The following CNKSR3 variants were observed in gnomAD, a reference collection of about 807,000 sequenced individuals.
CNKSR3 encodes the protein connector enhancer of kinase suppressor of ras 3.
A neutral mutation model predicts 67.7 loss-of-function variants in CNKSR3; 36 were observed. The ratio of observed to expected loss-of-function variants is 0.53; its 90% CI spans 0.41 to 0.70. CNKSR3 has a LOEUF of 0.70. Among genes scored for constraint, CNKSR3 ranks in the 30% least tolerant of loss-of-function variants. The pLI is 0.00. For missense variants in CNKSR3, 630 were observed against 695.2 expected, an observed-to-expected ratio of 0.91 and a Z score of 1.05; for synonymous variants, 281 against 271.4, an observed-to-expected ratio of 1.04 and a Z score of -0.35.
At chr6:154,465,169 G>T (rs1017392286) in intron 1 of CNKSR3, among the ~76,000 whole-genome samples, 2 of 149,562 alleles carry the variant, frequency 1.3e-5, no homozygotes, top group Admixed American at 1.3e-4. Flanking sequence ...AAAAAAGGGG[G>T]TCTGTGTTTG....
chr6:154,493,952 A>G (rs77153024), intron 1 of CNKSR3, among the ~76,000 whole-genome samples: 4,171 of 152,108 alleles, frequency 0.027, 188 homozygotes, highest in African/African-American at 0.096. Context: ...AAACCACATC[A>G]CACCCCCTAA....
intron 1 of CNKSR3, among the ~76,000 whole-genome samples, chr6:154,466,506 T>C (rs1786202116): frequency 3.3e-5 from 5 of 151,960 alleles, no homozygotes; most frequent in Admixed American, 3.3e-4. Context: ...TTGGCCCTTA[T>C]GGAAACAACT....
At chr6:154,481,021 A>C (rs1440336967) in intron 1 of CNKSR3, among the ~76,000 whole-genome samples, 1 of 151,910 alleles carries the variant, frequency 6.6e-6, no homozygotes, top group Non-Finnish European at 1.5e-5. Flanking sequence ...TCTTATGCTT[A>C]TTTGATATTT....
intron 1 of CNKSR3, among the ~76,000 whole-genome samples, chr6:154,487,215 T>C (rs563525737): frequency 6.6e-6 from 1 of 152,206 alleles, no homozygotes; most frequent in Admixed American, 6.5e-5. Context: ...CTTGTTTGAT[T>C]TGAGATTGAA....
chr6:154,461,560 A>G (rs1201314452), intron 1 of CNKSR3, among the ~76,000 whole-genome samples: 1 of 152,198 alleles, frequency 6.6e-6, no homozygotes, highest in African/African-American at 2.4e-5. Flanking sequence ...CCTTGTGCAA[A>G]TTACTTAACC....
chr6:154,460,842 A>T (rs1454132115), intron 1 of CNKSR3, among the ~76,000 whole-genome samples: 4 of 152,156 alleles, frequency 2.6e-5, no homozygotes, highest in Non-Finnish European at 5.9e-5. Context: ...ACGGGGGAGA[A>T]CCAACTCGGC....
chr6:154,467,248 G>C (rs1044329225), intron 1 of CNKSR3, among the ~76,000 whole-genome samples: 12 of 152,016 alleles, frequency 7.9e-5, no homozygotes, highest in African/African-American at 2.7e-4. Context: ...TTCTTGTTTT[G>C]GAGAGGCACG....
At chr6:154,428,664 G>A (rs1244322479) in intron 6 of CNKSR3, among the ~76,000 whole-genome samples, 2 of 150,574 alleles carry the variant, frequency 1.3e-5, no homozygotes, top group African/African-American at 4.9e-5. Flanking sequence ...GACTACAGGT[G>A]TGTGCTACCA....
In CNKSR3 at chr6:154,403,720, C is replaced by T. The variant is rs1230512590; in HGVS notation, c.*2634G>A. The T allele has an allele frequency of 6.6e-6, 1 of 152,010 alleles. No individual in the cohort carries two copies. The highest frequency in any genetic ancestry group is 1.5e-5 in the Non-Finnish European group (1 of 68,008). The allele number at this position is 152,010 out of a possible 1,614,324, so 9.4% of individuals were successfully genotyped here. On this transcript the variant is annotated 3_prime_UTR_variant, in exon 13 of 13. Coordinates refer to ENST00000607772, the MANE Select transcript of CNKSR3 (RefSeq NM_173515.4). ...AAGTAGAGGAGCCAGGAACTTCTCT[C>T]GCGGGTCCTGGGACTCCAGGGAACA...
intron 4 of CNKSR3, among the ~76,000 whole-genome samples, chr6:154,439,873 A>C: frequency 6.6e-6 from 1 of 152,214 alleles, no homozygotes; most frequent in Non-Finnish European, 1.5e-5. Context: ...CCTAAGCAAC[A>C]GAGTGAGACC....
At chr6:154,500,285 ACAC>A (rs1786970976) in intron 1 of CNKSR3, among the ~76,000 whole-genome samples, 1 of 151,934 alleles carries the variant, frequency 6.6e-6, no homozygotes, top group Non-Finnish European at 1.5e-5. Context: ...ACACACACAC[ACAC>A]ATCCACTCCC....
chr6:154,413,484 C>A (rs1784950550), intron 10 of CNKSR3, among the ~76,000 whole-genome samples: 1 of 151,918 alleles, frequency 6.6e-6, no homozygotes, highest in South Asian at 2.1e-4. Context: ...TCTGAACTGG[C>A]CTTCCAAAGT....
In CNKSR3 at chr6:154,429,983, C is replaced by T. The variant is rs185661873; in HGVS notation, c.669+489G>A. 2.0e-4 allele frequency among the ~76,000 whole-genome samples: 30 copies of T among 152,324 alleles called. No homozygotes were observed. In the East Asian group the frequency reaches 5.8e-3, roughly 29 times the overall value. On this transcript the variant is annotated intron_variant, in intron 6 of 12. Transcript: ENST00000607772. ...TTCACGAAAATTTCAGCAAATTAAT[C>T]CCATAAGATGCACGCTAGGTACTAG...
chr6:154,477,639 G>A (rs1163096916), intron 1 of CNKSR3, among the ~76,000 whole-genome samples: 1 of 152,118 alleles, frequency 6.6e-6, no homozygotes, highest in African/African-American at 2.4e-5. Context: ...GTAATTTCTA[G>A]TAGTTTCAAA....
At chr6:154,470,734 T>C (rs893114286) in intron 1 of CNKSR3, among the ~76,000 whole-genome samples, 4 of 152,204 alleles carry the variant, frequency 2.6e-5, no homozygotes, top group Admixed American at 2.0e-4. Context: ...ATAAATAATG[T>C]TGCTATGAAC....
intron 1 of CNKSR3, among the ~76,000 whole-genome samples, chr6:154,504,877 G>A (rs1207808122): frequency 6.6e-6 from 1 of 151,520 alleles, no homozygotes; most frequent in Non-Finnish European, 1.5e-5. Context: ...GTTTTATAAT[G>A]AGAGAGCCTA....
intron 2 of CNKSR3, among the ~76,000 whole-genome samples, chr6:154,445,529 C>A (rs796465723): frequency 4.6e-5 from 7 of 152,304 alleles, no homozygotes; most frequent in African/African-American, 1.7e-4. Flanking sequence ...GAGTTTTGAA[C>A]TAAAAGCAGG....
chr6:154,393,659 G>A lies in CNKSR3; in HGVS notation c.*12695C>T, dbSNP rs1318173759. The A allele has an allele frequency of 1.3e-5, 2 of 152,164 alleles. No homozygotes were observed. Among genetic ancestry groups the A allele is most frequent in the South Asian group, 2.1e-4 (1 of 4,828 alleles). The allele number at this position is 152,164 out of a possible 1,614,324, so 9.4% of individuals were successfully genotyped here. On this transcript the variant is annotated 3_prime_UTR_variant, in exon 13 of 13. Coordinates refer to ENST00000607772, the MANE Select transcript of CNKSR3 (RefSeq NM_173515.4). Reference sequence around the variant, plus strand: ...ATGAGGAAAAGTTCTAAGCTTTAGCGTAGCTGAATTTATTAGTCTTTTCTT... The same window carrying A: ...ATGAGGAAAAGTTCTAAGCTTTAGCATAGCTGAATTTATTAGTCTTTTCTT...
chr6:154,449,581 T>A (rs1307329599), intron 2 of CNKSR3, among the ~76,000 whole-genome samples: 1 of 152,220 alleles, frequency 6.6e-6, no homozygotes, highest in Non-Finnish European at 1.5e-5. Flanking sequence ...CGCCTCGGCC[T>A]CCCAGAGTGC....
Sources: allele counts gnomAD v4.1 joint callset (sites outside exome capture counted in the v4.1 genomes callset), GRCh38; gene constraint gnomAD v4.1.1; transcripts MANE v1.5; gene names NCBI Gene and HGNC (gene_info 2026-07-23, HGNC 2026-07-21).